Variants in POF1B observed in about 807,000 individuals in gnomAD.
POF1B encodes protein POF1B.
A neutral mutation model predicts 55.3 loss-of-function variants in POF1B; 53 were observed. The ratio of observed to expected loss-of-function variants is 0.96; its 90% CI spans 0.77 to 1.20. The LOEUF (loss-of-function observed/expected upper bound fraction) is 1.20. POF1B is among the 50% of genes most tolerant of loss of function. The pLI is 0.00. For synonymous variants in POF1B, 188 were observed against 148.3 expected (o/e 1.27, Z -1.95); for missense variants, 478 against 420.5 (o/e 1.14, Z -1.20).
In POF1B at chrX:85,365,681, C is replaced by T. The variant is rs1603079070; in HGVS notation, c.357+2011G>A. On this transcript the variant is annotated intron_variant, in intron 3 of 16. Coordinates refer to ENST00000262753, the MANE Select transcript of POF1B (RefSeq NM_024921.4). ...GCCCTGAAAGTGTGGGCTCCTCTCC[C>T]ACTTGAGTGCTGGCTGTAGACTGTG... Among the ~76,000 whole-genome samples the T allele has an allele frequency of 5.4e-5, 6 of 111,840 alleles. No individual in the cohort carries two copies. In the Admixed American group the frequency reaches 5.7e-4, roughly 11 times the overall value.
At chrX:85,318,530 C>A (rs1170676571) in intron 7 of POF1B, among the ~76,000 whole-genome samples, 1 of 111,891 alleles carries the variant, frequency 8.9e-6, no homozygotes, top group African/African-American at 3.2e-5. Context: ...TTTAATCCAA[C>A]TTGAGTTAAT....
intron 2 of POF1B, among the ~76,000 whole-genome samples, chrX:85,377,209 G>A (rs979273822): frequency 7.2e-5 from 8 of 111,605 alleles, no homozygotes; most frequent in African/African-American, 2.6e-4. Flanking sequence ...TACTCATTTC[G>A]TTAGCATAAA....
chrX:85,288,659 C>T (rs1932109186), intron 15 of POF1B, among the ~76,000 whole-genome samples: 1 of 111,141 alleles, frequency 9.0e-6, no homozygotes. Context: ...ATCATGGGGG[C>T]TGGTCTTTCC....
At chrX:85,291,231 A>T (rs761334860) in intron 15 of POF1B, among the ~76,000 whole-genome samples, 89 of 111,842 alleles carry the variant, frequency 8.0e-4, no homozygotes, top group African/African-American at 2.3e-3. Context: ...TTGGTCAAAG[A>T]TCAGATTGTT....
chrX:85,349,985 G>A (rs1933346330), intron 5 of POF1B, among the ~76,000 whole-genome samples: 1 of 110,670 alleles, frequency 9.0e-6, no homozygotes, highest in African/African-American at 3.3e-5. Flanking sequence ...TCTGCATGAA[G>A]GACTTGCGGC....
chrX:85,323,145 C>A (rs980005540), intron 7 of POF1B, among the ~76,000 whole-genome samples: 5 of 111,471 alleles, frequency 4.5e-5, no homozygotes, highest in Non-Finnish European at 9.4e-5. Context: ...CACATGCACA[C>A]GTACATTTAT....
chrX:85,328,470 C>T (rs1201202484), intron 7 of POF1B, among the ~76,000 whole-genome samples: 1 of 111,106 alleles, frequency 9.0e-6, no homozygotes, highest in Non-Finnish European at 1.9e-5. Context: ...TCCCAAAGTG[C>T]TGGGATTACA....
chrX:85,346,016 A>T lies in POF1B; in HGVS notation c.567T>A (p.His189Gln), dbSNP rs138426823. 32 of 1,196,575 alleles carry T rather than the reference A, an allele frequency of 2.7e-5. No individual in the cohort carries two copies. In the African/African-American group the frequency reaches 5.3e-4, roughly 20 times the overall value. ...CCTGGGGCTGTTGGATAATGTGATG[A>T]TGGCATTGAGCCTGAGGATGGCACC... ...DQGCHPQAQC[H>Q]HHIIQQPQVI... The change falls in exon 6 of 17, where the codon CAT (histidine) becomes CAA (glutamine). Residue 189 changes from histidine (H) to glutamine (Q), a missense_variant. Coordinates refer to ENST00000262753, the MANE Select transcript of POF1B (RefSeq NM_024921.4).
chrX:85,373,371 C>A (rs899980988), intron 2 of POF1B, among the ~76,000 whole-genome samples: 4 of 111,584 alleles, frequency 3.6e-5, no homozygotes, highest in Non-Finnish European at 5.6e-5. Flanking sequence ...TGAATATTGT[C>A]TTTATTTGTA....
At chrX:85,360,436 C>G (rs1933585481) in intron 3 of POF1B, among the ~76,000 whole-genome samples, 1 of 102,739 alleles carries the variant, frequency 9.7e-6, no homozygotes, top group South Asian at 4.4e-4. Flanking sequence ...CTGTGTAAGT[C>G]TGCTAAGTTT....
intron 8 of POF1B, 106 bp from the exon 9 acceptor site, chrX:85,314,612 C>G: frequency 4.4e-6 from 2 of 455,036 alleles, no homozygotes; most frequent in Middle Eastern, 4.9e-4. Flanking sequence ...TATTAAAAGA[C>G]TAATTCACTT....
At chrX:85,373,204 G>A (rs1228376072) in intron 2 of POF1B, among the ~76,000 whole-genome samples, 3 of 111,454 alleles carry the variant, frequency 2.7e-5, no homozygotes, top group East Asian at 2.8e-4. Context: ...CATGAATATC[G>A]AAAGTTAATT....
intron 6 of POF1B, among the ~76,000 whole-genome samples, chrX:85,333,847 A>G (rs966825500): frequency 4.6e-5 from 5 of 109,582 alleles, no homozygotes; most frequent in African/African-American, 1.7e-4. Flanking sequence ...GTAAGTCGTT[A>G]TTCACAATTA....
At chrX:85,301,879 C>G (rs1451987601) in intron 15 of POF1B, among the ~76,000 whole-genome samples, 1 of 111,523 alleles carries the variant, frequency 9.0e-6, no homozygotes, top group Non-Finnish European at 1.9e-5. Context: ...TAAAAAGATA[C>G]AACCATGTGT....
rs757732492 is a variant in POF1B at position 85,359,618 on chromosome X, G to C, written c.370C>G (p.Pro124Ala). The change falls in exon 4 of 17, where the codon CCA becomes GCA. Residue 124 changes from proline (P) to alanine (A), a missense_variant. Physicochemically the swap from Pro to Ala is conservative, Grantham distance 27. Transcript: ENST00000262753. ...GGATATGTAGTAAGTTTCACTGTTGGAGAATGAAGTTCCTGTGAAGAAAAG... is the reference window on the plus strand; with the variant it reads ...GGATATGTAGTAAGTTTCACTGTTGCAGAATGAAGTTCCTGTGAAGAAAAG... ...TQNTEQELHS[P>A]TVKLTTYPQT... 1 of 1,192,721 alleles carries C rather than the reference G, an allele frequency of 8.4e-7. No individual in the cohort carries two copies. The highest frequency in any genetic ancestry group is 1.1e-6 in the Non-Finnish European group (1 of 882,220).
At chrX:85,310,897 A>G (rs1045304764) in intron 9 of POF1B, among the ~76,000 whole-genome samples, 2 of 112,202 alleles carry the variant, frequency 1.8e-5, no homozygotes, top group Non-Finnish European at 3.8e-5. Flanking sequence ...CAGATTTCTC[A>G]TTACAAATCA....
intron 4 of POF1B, among the ~76,000 whole-genome samples, chrX:85,353,062 A>G (rs1381596382): frequency 4.5e-5 from 5 of 111,343 alleles, no homozygotes; most frequent in Non-Finnish European, 7.6e-5. Context: ...CTTTACACGT[A>G]CAGAGAAAGA....
chrX:85,311,156 G>A (rs1461409661), intron 9 of POF1B, among the ~76,000 whole-genome samples: 1 of 111,543 alleles, frequency 9.0e-6, no homozygotes, highest in Non-Finnish European at 1.9e-5. Flanking sequence ...ATATAGCATT[G>A]TAAGCAAAAA....
intron 3 of POF1B, among the ~76,000 whole-genome samples, chrX:85,361,427 T>C (rs1212149882): frequency 2.7e-5 from 3 of 111,833 alleles, no homozygotes; most frequent in Non-Finnish European, 5.6e-5. Context: ...CTTCTGCATA[T>C]GGCTAGCCAG....
Sources: allele counts gnomAD v4.1 joint callset (sites outside exome capture counted in the v4.1 genomes callset), GRCh38; gene constraint gnomAD v4.1.1; transcripts MANE v1.5; gene names NCBI Gene and HGNC (gene_info 2026-07-23, HGNC 2026-07-21).